Variants in TIPIN observed in about 807,000 individuals in gnomAD.
TIPIN encodes TIMELESS interacting protein.
Under a neutral mutation model 35.6 loss-of-function variants are expected in TIPIN, and 29 were observed. That is an observed-to-expected ratio of 0.82 (90% CI 0.61 to 1.11). The LOEUF (loss-of-function observed/expected upper bound fraction) is 1.11, where lower values mean the gene tolerates loss of function less well. Among genes scored for constraint, TIPIN ranks in the 50% most tolerant of loss-of-function variants. The pLI is 0.00. For missense variants in TIPIN, 296 were observed against 345.4 expected (o/e 0.86, Z 1.13); for synonymous variants, 102 against 121.5 (o/e 0.84, Z 1.06).
upstream of TIPIN, among the ~76,000 whole-genome samples, chr15:66,359,285 A>T (rs908290590): frequency 1.6e-4 from 24 of 151,870 alleles, no homozygotes; most frequent in African/African-American, 5.1e-4. Context: ...TTATGATTTT[A>T]TTTCTATACT....
chr15:66,372,581 A>G (rs1322057561), intron 1 of TIPIN, among the ~76,000 whole-genome samples: 1 of 152,224 alleles, frequency 6.6e-6, no homozygotes, highest in Admixed American at 6.5e-5. Flanking sequence ...GGTCAACCAC[A>G]GCCCACATAT....
chr15:66,354,299 T>G (rs1383769145), intron 1 of TIPIN, among the ~76,000 whole-genome samples: 1 of 152,156 alleles, frequency 6.6e-6, no homozygotes, highest in Non-Finnish European at 1.5e-5. Flanking sequence ...TTCTAAATTT[T>G]CCTAACTCAT....
rs1328007810 is a variant in TIPIN at position 66,340,173 on chromosome 15, T to TC, written c.682+976_682+977insG. The stretch of plus-strand genomic sequence containing the variant: ...AGGCGTGAGCCACTGCGCCTGGCCT[T>TC]TTTTTTTTTTTTTTTTTTTTTGAGA... On this transcript the variant is annotated intron_variant, in intron 7 of 7. Coordinates refer to ENST00000261881, the MANE Select transcript of TIPIN (RefSeq NM_017858.3). 4.7e-3 allele frequency among the ~76,000 whole-genome samples: 342 copies of TC among 72,324 alleles called. 1 individual carries two copies. The highest frequency in any genetic ancestry group is 0.014 in the African/African-American group (325 of 23,416). The allele number at this position is 72,324 out of a possible 152,430, so 47.4% of individuals were successfully genotyped here. A position where few individuals can be genotyped will look rare whatever the true frequency, so the allele number is the denominator to read the frequency against.
At chr15:66,359,085 G>A (rs978048412), upstream of TIPIN, among the ~76,000 whole-genome samples, 12 of 150,082 alleles carry the variant, frequency 8.0e-5, no homozygotes, top group Admixed American at 6.0e-4. Flanking sequence ...CCCGGATGTC[G>A]AGGCTGCAGT....
rs1489119937 is a variant in TIPIN at position 66,368,945 on chromosome 15, C to T, written c.-8-15990G>A. Among the ~76,000 whole-genome samples, 8 of 152,142 alleles carry T rather than the reference C, an allele frequency of 5.3e-5. No homozygotes were observed. The East Asian group carries it at 9.6e-4, about 18-fold the overall frequency. Reference sequence around the variant, plus strand: ...CCTGTTCTAACCCTAACTAGCTGTGCGACCTTGGAGGACATCACTGAACTC... The same window carrying T: ...CCTGTTCTAACCCTAACTAGCTGTGTGACCTTGGAGGACATCACTGAACTC... On this transcript the variant is annotated intron_variant, in intron 1 of 7. Transcript: ENST00000562124.
chr15:66,361,464 C>G (rs1159879130), upstream of TIPIN, among the ~76,000 whole-genome samples: 9 of 151,196 alleles, frequency 6.0e-5, no homozygotes, highest in East Asian at 1.4e-3. Flanking sequence ...ACCGTGTTAG[C>G]CAGGATGGTC....
At chr15:66,362,521 G>A (rs2093236026) in intron 1 of TIPIN, among the ~76,000 whole-genome samples, 1 of 151,882 alleles carries the variant, frequency 6.6e-6, no homozygotes, top group South Asian at 2.1e-4. Context: ...TGGAGTTCGA[G>A]ACCAGCCTGG....
intron 6 of TIPIN, among the ~76,000 whole-genome samples, chr15:66,342,569 G>A (rs898513672): frequency 1.3e-5 from 2 of 152,002 alleles, no homozygotes; most frequent in African/African-American, 4.8e-5. Context: ...TCACCGTATT[G>A]GCCAGGCTGG....
chr15:66,349,014 T>C (rs762281037), intron 6 of TIPIN, 46 bp downstream of exon 6: 1 of 1,528,322 alleles, frequency 6.5e-7, no homozygotes, highest in Non-Finnish European at 9.0e-7. Context: ...CTAGATCTAT[T>C]TCTAAAAGCA....
At chr15:66,357,086 T>TTTTG (rs746583795), upstream of TIPIN, among the ~76,000 whole-genome samples, 19 of 151,986 alleles carry the variant, frequency 1.3e-4, no homozygotes, top group African/African-American at 1.7e-4. Context: ...TTTAATGGGT[T>TTTTG]TTTGTTTGTT....
At chr15:66,366,256 C>A (rs2093253664) in intron 1 of TIPIN, among the ~76,000 whole-genome samples, 1 of 150,226 alleles carries the variant, frequency 6.7e-6, no homozygotes, top group Non-Finnish European at 1.5e-5. Flanking sequence ...GAGTTCGAGA[C>A]CAGCCTGGCC....
At chr15:66,379,720 C>T in intron 1 of TIPIN, 1 of 1,609,304 alleles carries the variant, frequency 6.2e-7, no homozygotes, top group Non-Finnish European at 8.5e-7. Context: ...GTAGCCAGTT[C>T]TTTTCTGTTA....
chr15:66,365,441 C>G (rs1384749118), intron 1 of TIPIN, among the ~76,000 whole-genome samples: 1 of 152,194 alleles, frequency 6.6e-6, no homozygotes, highest in Admixed American at 6.6e-5. Flanking sequence ...ATTGCCTGCC[C>G]CTTTCCCAGG....
At chr15:66,379,490 A>G in intron 1 of TIPIN, 1 of 1,609,186 alleles carries the variant, frequency 6.2e-7, no homozygotes, top group Non-Finnish European at 8.5e-7. Context: ...AGATTAATTC[A>G]TCTTTCTGGG....
rs551332811 is a variant in TIPIN at position 66,374,343 on chromosome 15, A to G, written c.-9+12264T>C. 7.7e-5 allele frequency among the ~76,000 whole-genome samples: 11 copies of G among 143,306 alleles called. No homozygotes were observed. In the East Asian group the frequency reaches 1.9e-3, roughly 25 times the overall value. The allele number at this position is 143,306 out of a possible 152,430, so 94.0% of individuals were successfully genotyped here. A position where few individuals can be genotyped will look rare whatever the true frequency, so the allele number is the denominator to read the frequency against. On this transcript the variant is annotated intron_variant, in intron 1 of 7. Transcript: ENST00000562124. ...CTAAGGAATTTCAGCATCTTTTCATATATTTATCGACTATTTGGATATCTT... is the reference window on the plus strand; with the variant it reads ...CTAAGGAATTTCAGCATCTTTTCATGTATTTATCGACTATTTGGATATCTT...
intron 4 of TIPIN, 144 bp from the exon 5 acceptor site, chr15:66,349,581 T>A: frequency 9.1e-7 from 1 of 1,102,816 alleles, no homozygotes; most frequent in Non-Finnish European, 1.3e-6. Context: ...AAAGGAACTT[T>A]AATAAGAAAA....
At chr15:66,337,328 C>CTT (rs375392324) in intron 7 of TIPIN, 147 bp from the exon 8 acceptor site, 480 of 403,352 alleles carry the variant, frequency 1.2e-3, no homozygotes, top group South Asian at 1.9e-3. Context: ...CTAAATATAT[C>CTT]TTTTTTTTTT....
At chr15:66,348,912 T>C in intron 6 of TIPIN, 148 bp downstream of exon 6, 2 of 644,926 alleles carry the variant, frequency 3.1e-6, no homozygotes, top group South Asian at 4.0e-5. Flanking sequence ...GCTACTGCAC[T>C]CCAGACTGGG....
chr15:66,354,477 T>C (rs1228142532), intron 1 of TIPIN, among the ~76,000 whole-genome samples: 1 of 152,216 alleles, frequency 6.6e-6, no homozygotes, highest in Non-Finnish European at 1.5e-5. Context: ...CTTGCATTAC[T>C]CCACTACTCT....
Sources: allele counts gnomAD v4.1 joint callset (sites outside exome capture counted in the v4.1 genomes callset), GRCh38; gene constraint gnomAD v4.1.1; transcripts MANE v1.5; gene names NCBI Gene and HGNC (gene_info 2026-07-23, HGNC 2026-07-21).